RAD51B: variants seen among roughly 807,000 people sequenced by gnomAD.
RAD51B encodes RAD51 paralog B.
In RAD51B, 38 loss-of-function variants were observed where a neutral mutation model predicts 42.2. The observed-to-expected ratio is 0.90, with a 90% CI of 0.70 to 1.18. RAD51B has a LOEUF of 1.18. RAD51B is among the 50% of genes most tolerant of loss of function. The pLI is 0.00. For synonymous variants in RAD51B, 154 were observed against 145.2 expected, an observed-to-expected ratio of 1.06 and a Z score of -0.43; for missense variants, 373 against 400.7, an observed-to-expected ratio of 0.93 and a Z score of 0.59.
chr14:68,289,991 A>T (rs2081484254), intron 7 of RAD51B, among the ~76,000 whole-genome samples: 1 of 152,028 alleles, frequency 6.6e-6, no homozygotes, highest in South Asian at 2.1e-4. Context: ...TGTCTTTGCT[A>T]CTCGAGTAAT....
At chr14:68,473,129 A>C (rs2086167216) in intron 10 of RAD51B, among the ~76,000 whole-genome samples, 1 of 152,212 alleles carries the variant, frequency 6.6e-6, no homozygotes, top group Admixed American at 6.5e-5. Flanking sequence ...ACTCAAAGTG[A>C]CCCAGAAGAT....
At chr14:68,237,676 A>G (rs934590881) in intron 7 of RAD51B, among the ~76,000 whole-genome samples, 1 of 150,986 alleles carries the variant, frequency 6.6e-6, no homozygotes, top group East Asian at 1.9e-4. Context: ...ATTATAAATA[A>G]TGCTGCTGTG....
chr14:68,256,038 G>A lies in RAD51B; in HGVS notation c.757-35846G>A, dbSNP rs116737932. Among the ~76,000 whole-genome samples, 487 of 152,262 alleles carry A rather than the reference G, an allele frequency of 3.2e-3. 2 individuals carry two copies. The highest frequency in any genetic ancestry group is 0.011 in the African/African-American group (464 of 41,538). On this transcript the variant is annotated intron_variant, in intron 7 of 10. Transcript: ENST00000471583. ...GGTTTATTAGAATAATAAATACTGT[G>A]CAAAAAAAGTTCATCTGGATCCAGG...
chr14:67,885,252 T>C (rs2043028876), intron 5 of RAD51B, among the ~76,000 whole-genome samples: 1 of 152,232 alleles, frequency 6.6e-6, no homozygotes, highest in South Asian at 2.1e-4. Flanking sequence ...TTTTAACTTG[T>C]CACTCTCTTG....
chr14:67,834,962 A>C, intron 3 of RAD51B, 118 bp from the exon 4 acceptor site: 1 of 701,006 alleles, frequency 1.4e-6, no homozygotes, highest in Non-Finnish European at 2.4e-6. Flanking sequence ...CAAATAAATA[A>C]TAGAAGGGAA....
chr14:67,949,667 T>C (rs1177040417), intron 7 of RAD51B, among the ~76,000 whole-genome samples: 2 of 152,214 alleles, frequency 1.3e-5, no homozygotes, highest in Non-Finnish European at 2.9e-5. Flanking sequence ...TCCAGAAGAA[T>C]TTCAATTTTC....
intron 7 of RAD51B, among the ~76,000 whole-genome samples, chr14:68,044,273 T>C (rs1395143302): frequency 6.6e-6 from 1 of 152,248 alleles, no homozygotes; most frequent in African/African-American, 2.4e-5. Context: ...GTGTTGGGAA[T>C]TCTAGTTCTG....
At position 68,565,654 on chromosome 14, in the gene RAD51B, C is replaced by T. The variant is rs548349270; in HGVS notation, c.1037-28831C>T. Among the ~76,000 whole-genome samples the T allele has an allele frequency of 6.6e-6, 1 of 152,314 alleles. No homozygotes were observed. Among genetic ancestry groups the T allele is most frequent in the East Asian group, 1.9e-4 (1 of 5,188 alleles). Reference sequence around the variant, plus strand: ...GAAAGAGAGCTAATCTCCTTTACCCCATCCTTGCTGCTGTCTCTGTCTCAT... The same window carrying T: ...GAAAGAGAGCTAATCTCCTTTACCCTATCCTTGCTGCTGTCTCTGTCTCAT... On this transcript the variant is annotated intron_variant, in intron 10 of 10. Coordinates refer to the RAD51B transcript ENST00000487270. The surrounding 1 kb of genome is among the most constrained non-coding windows in gnomAD (Gnocchi z 4.1).
At chr14:68,622,526 T>TTAA (rs1891972108) in intron 10 of RAD51B, among the ~76,000 whole-genome samples, 1 of 151,914 alleles carries the variant, frequency 6.6e-6, no homozygotes, top group East Asian at 1.9e-4. Context: ...GTGATGGCAT[T>TTAA]TAAATTAAAG....
chr14:68,231,826 A>G (rs960060538), intron 7 of RAD51B, among the ~76,000 whole-genome samples: 13 of 152,242 alleles, frequency 8.5e-5, no homozygotes, highest in Non-Finnish European at 1.8e-4. Context: ...GATGTTAATG[A>G]GAGAAACAGG....
rs976354992 is a variant in RAD51B at position 68,594,620 on chromosome 14, G to T, written c.*17G>T. On this transcript the variant is annotated 3_prime_UTR_variant, in exon 11 of 11. Coordinates refer to the RAD51B transcript ENST00000487270. ...ATTTTTTAATTTTTTGTAGAGGTGG[G>T]GTCTCATTATGTTGCCCAAGCTGAT... 2.3e-6 allele frequency: 3 copies of T among 1,283,080 alleles called. No homozygotes were observed. In the African/African-American group the frequency reaches 4.5e-5, roughly 19 times the overall value. 79.5% of individuals were successfully genotyped at this position (1,283,080 alleles called of 1,614,324 possible). A position where few individuals can be genotyped will look rare whatever the true frequency, so the allele number is the denominator to read the frequency against.
intron 10 of RAD51B, among the ~76,000 whole-genome samples, chr14:68,551,865 TAA>T (rs1279264490): frequency 6.6e-6 from 1 of 152,186 alleles, no homozygotes; most frequent in Non-Finnish European, 1.5e-5. Flanking sequence ...GCGTAGGTAA[TAA>T]ATGACAGAGC....
At chr14:68,208,002 C>G (rs958644578) in intron 7 of RAD51B, among the ~76,000 whole-genome samples, 3 of 151,928 alleles carry the variant, frequency 2.0e-5, no homozygotes, top group Non-Finnish European at 4.4e-5. Flanking sequence ...GCAAGTTATA[C>G]TGTGTGTATA....
Position 67,911,205 on chromosome 14 carries a change from C to T in RAD51B, c.756+24001C>T, listed in dbSNP as rs115080709. The stretch of plus-strand genomic sequence containing the variant: ...TTGAGCAGTGTTATCTGTGGGTTTC[C>T]AGATGTGTTAATATATGTATTTTCT... On this transcript the variant is annotated intron_variant, in intron 7 of 10. Coordinates refer to ENST00000471583, the MANE Select transcript of RAD51B (RefSeq NM_133510.4). 8.0e-3 allele frequency among the ~76,000 whole-genome samples: 1,224 copies of T among 152,200 alleles called. 15 individuals are homozygous for T. Among genetic ancestry groups the T allele is most frequent in the African/African-American group, 0.028 (1,147 of 41,518 alleles).
chr14:68,369,538 G>A (rs945045759), intron 8 of RAD51B, among the ~76,000 whole-genome samples: 1 of 152,182 alleles, frequency 6.6e-6, no homozygotes, highest in Non-Finnish European at 1.5e-5. Context: ...TTTCTCAAGG[G>A]AAAACGTGTT....
At position 68,225,191 on chromosome 14, in the gene RAD51B, A is replaced by G. The variant is rs181183009; in HGVS notation, c.757-66693A>G. On this transcript the variant is annotated intron_variant, in intron 7 of 10. Transcript: ENST00000471583. ...ATGATAAGTAAATTGTACTTCAGCA[A>G]CTCATTGCTTTTTAGATACCACTGA... Among the ~76,000 whole-genome samples, 28 of 152,272 alleles carry G rather than the reference A, an allele frequency of 1.8e-4. No homozygotes were observed. In the East Asian group the frequency reaches 5.2e-3, roughly 28 times the overall value.
downstream of RAD51B, among the ~76,000 whole-genome samples, chr14:68,482,115 TTAC>T: frequency 1.9e-5 from 1 of 51,388 alleles, no homozygotes; most frequent in South Asian, 2.1e-3. Context: ...TTAATTACTT[TTAC>T]TGAAAGTAAT....
At chr14:68,575,794 C>G (rs1333289124) in intron 10 of RAD51B, among the ~76,000 whole-genome samples, 1 of 152,232 alleles carries the variant, frequency 6.6e-6, no homozygotes, top group African/African-American at 2.4e-5. Flanking sequence ...AAGCCTCATA[C>G]TTACCTTACC....
chr14:68,236,350 G>C (rs1188832446), intron 7 of RAD51B: 2 of 152,160 alleles, frequency 1.3e-5, no homozygotes, highest in East Asian at 3.9e-4. Context: ...TTTCCAAACT[G>C]GGCAAGTTCA....
Sources: allele counts gnomAD v4.1 joint callset (sites outside exome capture counted in the v4.1 genomes callset), GRCh38; gene constraint gnomAD v4.1.1; non-coding constraint Gnocchi (gnomAD v3.1); transcripts MANE v1.5; gene names NCBI Gene and HGNC (gene_info 2026-07-23, HGNC 2026-07-21).